ZNF839: variants seen among roughly 807,000 people sequenced by gnomAD.
ZNF839 encodes the protein zinc finger protein 839, also known as renal carcinoma antigen NY-REN-50.
In ZNF839, 38 loss-of-function variants were observed where a neutral mutation model predicts 56.4. The observed-to-expected ratio is 0.67, with a 90% CI of 0.52 to 0.88. ZNF839 has a LOEUF of 0.88. ZNF839 is among the 40% of genes least tolerant of loss of function. The pLI, the probability that ZNF839 is intolerant of heterozygous loss-of-function variation, is 0.00. For missense variants in ZNF839, 1,091 were observed against 1,177.6 expected, an observed-to-expected ratio of 0.93 and a Z score of 1.08; for synonymous variants, 486 against 493.5, an observed-to-expected ratio of 0.98 and a Z score of 0.20.
intron 4 of ZNF839, 75 bp from the exon 5 acceptor site, chr14:102,335,614 T>C (rs2073980028): frequency 2.1e-6 from 3 of 1,461,904 alleles, no homozygotes; most frequent in Non-Finnish European, 2.7e-6. Context: ...CGAAACTTTG[T>C]TTAGATTTTC....
rs779817327 is a variant in ZNF839, at chr14:102,326,349, C to T, written c.653C>T (p.Thr218Ile). ...PLSASDPLAV[T>I]SLSSSSAHPF... is the part of the protein sequence containing the mutation. ...TCTGCCTCTGACCCGCTGGCAGTAACATCTCTTTCATCCAGTTCAGCACAT... is the reference window on the plus strand; with the variant it reads ...TCTGCCTCTGACCCGCTGGCAGTAATATCTCTTTCATCCAGTTCAGCACAT... The change falls in exon 2 of 8, where the codon ACA (threonine) becomes ATA (isoleucine). Residue 218 changes from threonine (T) to isoleucine (I), a missense_variant. Physicochemically the swap from Thr to Ile is moderately conservative, Grantham distance 89 (BLOSUM62 -1). This residue lies in a region of ZNF839 where 614 missense variants were observed against 629.2 expected (regional missense o/e 0.98). Transcript: ENST00000442396. This position sits in a 1 kb window ranked among gnomAD's most constrained non-coding sequence, Gnocchi z 4.3. 35 of 1,609,620 alleles carry T rather than the reference C, an allele frequency of 2.2e-5. No homozygotes were observed. The East Asian group carries it at 6.2e-4, about 29-fold the overall frequency.
chr14:102,318,168 A>C (rs1260685430), upstream of ZNF839, among the ~76,000 whole-genome samples: 1 of 152,264 alleles, frequency 6.6e-6, no homozygotes, highest in African/African-American at 2.4e-5. Context: ...AGACATCTGT[A>C]CACAGGATGG....
intron 1 of ZNF839, among the ~76,000 whole-genome samples, chr14:102,324,928 C>T (rs1183354146): frequency 5.9e-5 from 9 of 151,926 alleles, no homozygotes; most frequent in Admixed American, 4.6e-4. Flanking sequence ...CCAGCCTGGG[C>T]GACAGAGCAA....
At chr14:102,338,327 CAGA>C (rs1271507540) in intron 5 of ZNF839, among the ~76,000 whole-genome samples, 1 of 152,056 alleles carries the variant, frequency 6.6e-6, no homozygotes. Flanking sequence ...CACTTGAGGC[CAGA>C]AGTTCAAGAC....
intron 2 of ZNF839, among the ~76,000 whole-genome samples, chr14:102,331,252 T>G (rs2047620857): frequency 6.6e-6 from 1 of 152,188 alleles, no homozygotes; most frequent in Non-Finnish European, 1.5e-5. Context: ...GAAATCTTTT[T>G]TTTTCTTTTT....
At chr14:102,336,760 G>T (rs1398985185) in intron 5 of ZNF839, 4 of 319,758 alleles carry the variant, frequency 1.3e-5, no homozygotes, top group South Asian at 7.7e-5. Context: ...TTGAAACAGG[G>T]TTTCCCTCTG....
Position 102,341,426 on chromosome 14 carries a change from G to A in ZNF839, c.2031G>A (p.Gln677=). Residue 677 remains glutamine (Q), a synonymous_variant, in exon 8 of 8, where the codon CAG becomes CAA. Coordinates refer to ENST00000442396, the MANE Select transcript of ZNF839 (RefSeq NM_018335.6). ...GNGSVFQAGP[Q]LQALANLEAR... ...GGAGCGTGTTCCAGGCGGGCCCGCA[G>A]CTTCAGGCACTGGCTAACTTAGAAG... 6.3e-7 allele frequency: 1 copy of A among 1,591,392 alleles called. No individual in the cohort carries two copies. Among genetic ancestry groups the A allele is most frequent in the Non-Finnish European group, 8.6e-7 (1 of 1,168,602 alleles).
intron 2 of ZNF839, among the ~76,000 whole-genome samples, chr14:102,327,492 C>T (rs2073480598): frequency 6.6e-6 from 1 of 152,158 alleles, no homozygotes; most frequent in African/African-American, 2.4e-5. Context: ...CACTGTCATG[C>T]TAAACCAGCC....
In ZNF839 at chr14:102,341,761, G is replaced by C; in HGVS notation, c.2366G>C (p.Ser789Thr). The C allele has an allele frequency of 6.2e-7, 1 of 1,614,014 alleles. No individual in the cohort carries two copies. Among genetic ancestry groups the C allele is most frequent in the South Asian group, 1.1e-5 (1 of 91,088 alleles). Residue 789 changes from serine to threonine, a missense_variant, in exon 8 of 8, where the codon AGC becomes ACC. This residue lies in a region of ZNF839 where 431 missense variants were observed against 468.0 expected (regional missense o/e 0.92). Coordinates refer to ENST00000442396, the MANE Select transcript of ZNF839 (RefSeq NM_018335.6). ...HLNHQQPSPT[S>T]VLPTEVAAPP... ...AACCACCAGCAGCCCAGCCCCACCA[G>C]CGTCCTGCCTACAGAGGTGGCAGCC...
rs1354436622 is a variant in ZNF839 at position 102,326,527 on chromosome 14, G to A, written c.831G>A (p.Leu277=). The change falls in exon 2 of 8, where the codon CTG becomes CTA. Residue 277 remains leucine (L), a synonymous_variant. Transcript: ENST00000442396. This position sits in a 1 kb window ranked among gnomAD's most constrained non-coding sequence, Gnocchi z 4.3. The part of the protein sequence containing the change: ...IKTEDLADGH[L]SDSDDYSELC... ...CAGAGGATCTGGCGGATGGTCATCTGTCAGATTCTGATGATTACTCAGAAC... is the reference window on the plus strand; with the variant it reads ...CAGAGGATCTGGCGGATGGTCATCTATCAGATTCTGATGATTACTCAGAAC... The A allele has an allele frequency of 2.5e-6, 4 of 1,613,938 alleles. No homozygotes were observed. In the Admixed American group the frequency reaches 6.7e-5, roughly 27 times the overall value.
chr14:102,320,210 C>T (rs2073052275), intron 1 of ZNF839, among the ~76,000 whole-genome samples, 157 bp downstream of exon 1: 1 of 152,226 alleles, frequency 6.6e-6, no homozygotes. Flanking sequence ...CGGCCCCCAC[C>T]TGTCACCACC....
intron 2 of ZNF839, among the ~76,000 whole-genome samples, chr14:102,329,855 G>A (rs976622212): frequency 2.1e-5 from 3 of 142,824 alleles, no homozygotes; most frequent in Non-Finnish European, 4.5e-5. Context: ...GTGTAATGGC[G>A]TAATATCAGC....
chr14:102,334,638 C>A lies in ZNF839; in HGVS notation c.1501C>A (p.Leu501Met). ...AQVVTVYEFL[L>M]MKVEKDHLAK... The stretch of plus-strand genomic sequence containing the variant: ...GGTTGTGACCGTGTATGAGTTTCTT[C>A]TGATGAAGGTGAGTACTCTTAGTGT... The change falls in exon 4 of 8, where the codon CTG (leucine) becomes ATG (methionine). Residue 501 changes from leucine (L) to methionine (M), a missense_variant. Leu to Met is a conservative substitution (Grantham distance 15). This residue lies in a region of ZNF839 where 46 missense variants were observed against 80.4 expected (regional missense o/e 0.57). Coordinates refer to ENST00000442396, the MANE Select transcript of ZNF839 (RefSeq NM_018335.6). 6.2e-7 allele frequency: 1 copy of A among 1,609,246 alleles called. No individual in the cohort carries two copies. Among genetic ancestry groups the A allele is most frequent in the Non-Finnish European group, 8.5e-7 (1 of 1,176,442 alleles).
rs1445384908 is a variant in ZNF839 at position 102,326,855 on chromosome 14, T to C, written c.1159T>C (p.Leu387=). Residue 387 remains leucine (L), a synonymous_variant, in exon 2 of 8, where the codon TTG becomes CTG. Coordinates refer to ENST00000442396, the MANE Select transcript of ZNF839 (RefSeq NM_018335.6). The surrounding 1 kb of genome is among the most constrained non-coding windows in gnomAD (Gnocchi z 4.3). ...DPCEGGARSC[L]VTESARGGLQ... ...ATGTGAGGGAGGGGCCCGCTCCTGC[T>C]TGGTGACAGAGTCAGCACGCGGTGG... The C allele has an allele frequency of 4.4e-6, 7 of 1,607,698 alleles. No homozygotes were observed. Among genetic ancestry groups the C allele is most frequent in the African/African-American group, 2.7e-5 (2 of 74,844 alleles).
upstream of ZNF839, chr14:102,319,656 C>T (rs1784081738): frequency 1.5e-5 from 18 of 1,203,890 alleles, no homozygotes; most frequent in East Asian, 3.4e-5. This position sits in a 1 kb window ranked among gnomAD's most constrained non-coding sequence, Gnocchi z 4.5. Flanking sequence ...CGGTCGCCTT[C>T]CTAGGTGTCT....
intron 1 of ZNF839, among the ~76,000 whole-genome samples, chr14:102,320,340 C>T (rs988271933): frequency 2.0e-5 from 3 of 152,178 alleles, no homozygotes; most frequent in African/African-American, 7.2e-5. Flanking sequence ...TTGCGTGCTC[C>T]CTAGCTCTTC....
At position 102,342,211 on chromosome 14, in the gene ZNF839, C is replaced by G; in HGVS notation, c.*32C>G. ...TTCCTCTAGAAGCTGTGGAGTCGGT[C>G]GTCACCGTGGAGCCAGAGCCCTCAC... On this transcript the variant is annotated 3_prime_UTR_variant, in exon 8 of 8. Coordinates refer to ENST00000442396, the MANE Select transcript of ZNF839 (RefSeq NM_018335.6). 6.4e-7 allele frequency: 1 copy of G among 1,552,964 alleles called. No homozygotes were observed. Among genetic ancestry groups the G allele is most frequent in the Non-Finnish European group, 8.7e-7 (1 of 1,146,386 alleles).
At chr14:102,327,160 A>G (rs1165360939) in intron 2 of ZNF839, among the ~76,000 whole-genome samples, 5 of 151,732 alleles carry the variant, frequency 3.3e-5, no homozygotes, top group Admixed American at 3.3e-4. Flanking sequence ...ATTTTTTTTG[A>G]GATGGATCCT....
chr14:102,336,627 T>A (rs1885755201), intron 5 of ZNF839: 3 of 435,168 alleles, frequency 6.9e-6, no homozygotes, highest in Admixed American at 5.3e-5. Context: ...CAATAAATGC[T>A]CTTCCAGAAA....
Sources: allele counts gnomAD v4.1 joint callset (sites outside exome capture counted in the v4.1 genomes callset), GRCh38; gene constraint gnomAD v4.1.1; regional missense constraint gnomAD v4.1.1; non-coding constraint Gnocchi (gnomAD v3.1); transcripts MANE v1.5; gene names NCBI Gene and HGNC (gene_info 2026-07-23, HGNC 2026-07-21).